FBXO3: variants seen among roughly 807,000 people sequenced by gnomAD.
FBXO3 encodes F-box protein 3.
Under a neutral mutation model 64.8 loss-of-function variants are expected in FBXO3, and 17 were observed. That is an observed-to-expected ratio of 0.26 (90% CI 0.18 to 0.39). The LOEUF (loss-of-function observed/expected upper bound fraction) is 0.39, where lower values mean the gene tolerates loss of function less well. Ranked by LOEUF, FBXO3 falls within the 10% of genes least tolerant of loss-of-function variation. The probability of loss-of-function intolerance (pLI) is 1.00; values close to 1 mark genes in which losing one functional copy is unlikely to be tolerated. For synonymous variants in FBXO3, 182 were observed against 201.6 expected, an observed-to-expected ratio of 0.90 and a Z score of 0.82; for missense variants, 420 against 589.9, an observed-to-expected ratio of 0.71 and a Z score of 2.98.
At chr11:33,761,714 T>C (rs1222800574) in intron 3 of FBXO3, among the ~76,000 whole-genome samples, 1 of 152,192 alleles carries the variant, frequency 6.6e-6, no homozygotes. Context: ...AAGTATGGCA[T>C]CAACTGGGGC....
chr11:33,749,364 T>C (rs567278015), intron 8 of FBXO3, among the ~76,000 whole-genome samples: 1 of 151,128 alleles, frequency 6.6e-6, no homozygotes, highest in Admixed American at 6.6e-5. Context: ...ATTACACTTT[T>C]TTTTTTTTTT....
At position 33,768,972 on chromosome 11, in the gene FBXO3, G is replaced by A; in HGVS notation, c.237C>T (p.Phe79=). ...TQKNQCWKSL[F]IDTYSDVGRY... is the part of the protein sequence containing the mutation. The stretch of plus-strand genomic sequence containing the variant: ...TTCCTACATCAGAGTAAGTATCTAT[G>A]AAGAGAGATTTCCAACACTGATTCT... The change falls in exon 3 of 11, where the codon TTC becomes TTT. Residue 79 remains phenylalanine, a synonymous_variant. Coordinates refer to ENST00000265651, the MANE Select transcript of FBXO3 (RefSeq NM_012175.4). 6.2e-7 allele frequency: 1 copy of A among 1,613,488 alleles called. No individual in the cohort carries two copies. Among genetic ancestry groups the A allele is most frequent in the African/African-American group, 1.3e-5 (1 of 74,980 alleles).
At chr11:33,755,074 G>C (rs1235699015) in intron 5 of FBXO3, among the ~76,000 whole-genome samples, 1 of 151,834 alleles carries the variant, frequency 6.6e-6, no homozygotes, top group Non-Finnish European at 1.5e-5. Flanking sequence ...GTTTCGCCAT[G>C]ATGGCCAGGC....
chr11:33,766,449 C>T (rs1244777846), intron 3 of FBXO3, among the ~76,000 whole-genome samples: 1 of 152,224 alleles, frequency 6.6e-6, no homozygotes, highest in Non-Finnish European at 1.5e-5. Context: ...TTTTCCACAA[C>T]AACAGCGGAG....
chr11:33,758,627 T>C (rs1193314109), intron 3 of FBXO3, 26 bp from the exon 4 acceptor site: 6 of 1,509,758 alleles, frequency 4.0e-6, no homozygotes, highest in Non-Finnish European at 5.4e-6. Flanking sequence ...AAAGAGTGAA[T>C]TGTGAAGAAA....
At chr11:33,765,349 TG>T (rs1855342062) in intron 3 of FBXO3, among the ~76,000 whole-genome samples, 1 of 152,188 alleles carries the variant, frequency 6.6e-6, no homozygotes, top group East Asian at 1.9e-4. Context: ...CGAAGCTGAA[TG>T]GCAACCTGAA....
At chr11:33,751,496 A>C (rs1192950131) in intron 7 of FBXO3, 27 bp downstream of exon 7, 1 of 1,426,128 alleles carries the variant, frequency 7.0e-7, no homozygotes, top group Non-Finnish European at 9.8e-7. Context: ...CAATCATTTC[A>C]ATCCAAAAAG....
intron 3 of FBXO3, among the ~76,000 whole-genome samples, chr11:33,765,355 C>A (rs1564993793): frequency 6.6e-6 from 1 of 151,974 alleles, no homozygotes; most frequent in Admixed American, 6.6e-5. Context: ...TGAATGGCAA[C>A]CTGAACTACT....
At chr11:33,762,366 C>T (rs1855263818) in intron 3 of FBXO3, among the ~76,000 whole-genome samples, 1 of 152,180 alleles carries the variant, frequency 6.6e-6, no homozygotes, top group African/African-American at 2.4e-5. Context: ...ATACACAAAA[C>T]ACTGACCAAA....
At chr11:33,757,384 C>G (rs1855124150) in intron 4 of FBXO3, among the ~76,000 whole-genome samples, 1 of 150,750 alleles carries the variant, frequency 6.6e-6, no homozygotes, top group South Asian at 2.1e-4. Flanking sequence ...AAGGCTGAGG[C>G]AGGAGGATCC....
At chr11:33,751,681 A>C in intron 6 of FBXO3, 74 bp from the exon 7 acceptor site, 1 of 810,496 alleles carries the variant, frequency 1.2e-6, no homozygotes, top group South Asian at 1.6e-5. Context: ...AACAATTGTA[A>C]TTCCTCTATG....
intron 8 of FBXO3, among the ~76,000 whole-genome samples, chr11:33,750,050 T>C (rs1006695703): frequency 1.3e-5 from 2 of 152,096 alleles, no homozygotes; most frequent in African/African-American, 4.8e-5. Context: ...CTTTGTGTCA[T>C]AGCACAGAAT....
At chr11:33,751,653 TGTAAAATCTA>T in intron 6 of FBXO3, 46 bp from the exon 7 acceptor site, 1 of 1,185,318 alleles carries the variant, frequency 8.4e-7, no homozygotes, top group Non-Finnish European at 1.2e-6. Context: ...CAAATAGTTT[TGTAAAATCTA>T]TACAGGAAAC....
At chr11:33,747,836 C>G (rs1194176103) in intron 9 of FBXO3, among the ~76,000 whole-genome samples, 1 of 149,774 alleles carries the variant, frequency 6.7e-6, no homozygotes. Context: ...TTAATGTATT[C>G]CTCAAATTCC....
At chr11:33,753,652 A>AC (rs1855019278) in intron 6 of FBXO3, 1 of 152,258 alleles carries the variant, frequency 6.6e-6, no homozygotes, top group Non-Finnish European at 1.5e-5. Flanking sequence ...ATTATGAAGT[A>AC]CACCATGAAC....
At chr11:33,754,589 CA>C in intron 5 of FBXO3, 89 bp from the exon 6 acceptor site, 1 of 1,098,310 alleles carries the variant, frequency 9.1e-7, no homozygotes, top group Non-Finnish European at 1.3e-6. Flanking sequence ...GGAGACGAGG[CA>C]AAACAGATAA....
chr11:33,769,060 T>A, intron 2 of FBXO3, 46 bp from the exon 3 acceptor site: 1 of 1,474,318 alleles, frequency 6.8e-7, no homozygotes, highest in Admixed American at 2.1e-5. Context: ...TAAAATAATA[T>A]TAGCATTTAT....
At chr11:33,756,019 A>G (rs377051654) in intron 4 of FBXO3, 44 bp from the exon 5 acceptor site, 40 of 1,504,216 alleles carry the variant, frequency 2.7e-5, no homozygotes, top group East Asian at 1.8e-4. Flanking sequence ...CGGCAGTGCC[A>G]AAGAGCTGTG....
At chr11:33,772,686 T>C (rs557573033) in intron 1 of FBXO3, 1 of 152,424 alleles carries the variant, frequency 6.6e-6, no homozygotes, top group Non-Finnish European at 1.5e-5. Flanking sequence ...TCACAGCACT[T>C]AGTACCTCTT....
Sources: allele counts gnomAD v4.1 joint callset (sites outside exome capture counted in the v4.1 genomes callset), GRCh38; gene constraint gnomAD v4.1.1; transcripts MANE v1.5; gene names NCBI Gene and HGNC (gene_info 2026-07-23, HGNC 2026-07-21).